GPD2: variants seen among roughly 807,000 people sequenced by gnomAD.
GPD2 encodes glycerol-3-phosphate dehydrogenase 2, also known as glycerol-3-phosphate dehydrogenase, mitochondrial.
Under a neutral mutation model 82.4 loss-of-function variants are expected in GPD2, and 54 were observed. The ratio of observed to expected loss-of-function variants is 0.66; its 90% CI spans 0.53 to 0.82. The LOEUF (loss-of-function observed/expected upper bound fraction) is 0.82, where lower values mean the gene tolerates loss of function less well. Ranked by LOEUF, GPD2 falls within the 40% of genes least tolerant of loss-of-function variation. The pLI is 0.00. For synonymous variants in GPD2, 288 were observed against 306.1 expected, an observed-to-expected ratio of 0.94 and a Z score of 0.62; for missense variants, 748 against 896.2, an observed-to-expected ratio of 0.83 and a Z score of 2.11.
chr2:156,516,569 A>T (rs1449779958), intron 6 of GPD2, among the ~76,000 whole-genome samples: 1 of 152,184 alleles, frequency 6.6e-6, no homozygotes, highest in Non-Finnish European at 1.5e-5. Context: ...TCTCCCAAGT[A>T]GCTGGGATTA....
At chr2:156,416,927 T>A in the GPD2 span, among the ~76,000 whole-genome samples, 5 of 152,172 alleles carry the variant, frequency 3.3e-5, no homozygotes, top group Admixed American at 3.3e-4. Flanking sequence ...GCAGCTAACA[T>A]CCAGGTCCTG....
intron 13 of GPD2, among the ~76,000 whole-genome samples, chr2:156,575,330 G>A (rs1687776824): frequency 6.6e-6 from 1 of 151,662 alleles, no homozygotes; most frequent in Admixed American, 6.6e-5. Context: ...AAGAAATAGT[G>A]ATCACGGAAG....
chr2:156,574,525 A>T (rs1466222847), intron 13 of GPD2, among the ~76,000 whole-genome samples: 1 of 152,140 alleles, frequency 6.6e-6, no homozygotes, highest in Non-Finnish European at 1.5e-5. Context: ...CAGACAAAAG[A>T]TCCATTTTTC....
the GPD2 span, among the ~76,000 whole-genome samples, chr2:156,415,156 CTTTTTTTTT>C: frequency 8.7e-6 from 1 of 114,620 alleles, no homozygotes; most frequent in Admixed American, 1.0e-4. Flanking sequence ...TTGTATCATT[CTTTTTTTTT>C]TTTTTTTTTT....
At chr2:156,452,265 T>C (rs1000663647) in intron 1 of GPD2, among the ~76,000 whole-genome samples, 1 of 152,200 alleles carries the variant, frequency 6.6e-6, no homozygotes, top group Non-Finnish European at 1.5e-5. Context: ...CTGGGCACCA[T>C]TGAGCACTGA....
chr2:156,508,013 C>A (rs1446263250), intron 3 of GPD2, among the ~76,000 whole-genome samples: 1 of 152,156 alleles, frequency 6.6e-6, no homozygotes, highest in Admixed American at 6.5e-5. Context: ...AAACTCCCAT[C>A]TCTCCCATCT....
intron 1 of GPD2, among the ~76,000 whole-genome samples, chr2:156,455,021 G>C (rs1289606642): frequency 5.9e-5 from 9 of 152,050 alleles, no homozygotes; most frequent in Admixed American, 5.9e-4. Flanking sequence ...GTGTAACCCT[G>C]GGGGAGAGGG....
chr2:156,568,758 CTG>C, intron 9 of GPD2, 65 bp from the exon 10 acceptor site: 2 of 1,391,214 alleles, frequency 1.4e-6, no homozygotes, highest in Non-Finnish European at 2.0e-6. Flanking sequence ...TTTTTATTAA[CTG>C]TTTAATATTT....
intron 1 of GPD2, among the ~76,000 whole-genome samples, chr2:156,440,305 A>G (rs932152888): frequency 1.3e-5 from 2 of 152,262 alleles, no homozygotes; most frequent in African/African-American, 4.8e-5. Context: ...AAGCCAGGAA[A>G]TCTCTAACAA....
intron 6 of GPD2, among the ~76,000 whole-genome samples, chr2:156,523,552 TC>T (rs1211802653): frequency 6.6e-6 from 1 of 152,102 alleles, no homozygotes; most frequent in African/African-American, 2.4e-5. Flanking sequence ...ATTTCCCCTT[TC>T]CCCCACTCCC....
intron 9 of GPD2, 33 bp from the exon 10 acceptor site, chr2:156,568,792 A>G (rs563103776): frequency 3.8e-6 from 6 of 1,596,726 alleles, no homozygotes; most frequent in East Asian, 4.5e-5. Flanking sequence ...TTTTTGAGCA[A>G]TGTTCATAAC....
At chr2:156,418,645 A>G in the GPD2 span, among the ~76,000 whole-genome samples, 2 of 152,284 alleles carry the variant, frequency 1.3e-5, no homozygotes, top group Non-Finnish European at 1.5e-5. Context: ...GATTAATAGG[A>G]TAAAAGGCAT....
At chr2:156,465,127 A>C (rs980095092) in intron 1 of GPD2, among the ~76,000 whole-genome samples, 1 of 152,224 alleles carries the variant, frequency 6.6e-6, no homozygotes, top group Non-Finnish European at 1.5e-5. Flanking sequence ...CTGGGATTAC[A>C]GGCATGAGCC....
chr2:156,541,888 A>G (rs976696197), intron 6 of GPD2, among the ~76,000 whole-genome samples: 2 of 125,624 alleles, frequency 1.6e-5, no homozygotes, highest in Non-Finnish European at 3.1e-5. Context: ...GGAAAGGCAC[A>G]AGGAATCTTT....
intron 1 of GPD2, among the ~76,000 whole-genome samples, chr2:156,454,638 G>T (rs1479382708): frequency 1.3e-5 from 2 of 152,178 alleles, no homozygotes; most frequent in African/African-American, 4.8e-5. Flanking sequence ...AACACTCAGA[G>T]AAGAGAATTT....
intron 1 of GPD2, among the ~76,000 whole-genome samples, chr2:156,459,469 G>A (rs1167142436): frequency 6.6e-5 from 10 of 151,794 alleles, no homozygotes; most frequent in African/African-American, 2.2e-4. Flanking sequence ...GGTGGATCAC[G>A]AGGTCAGGAG....
At chr2:156,478,574 A>G (rs530917614) in intron 2 of GPD2, among the ~76,000 whole-genome samples, 82 of 152,314 alleles carry the variant, frequency 5.4e-4, no homozygotes, top group Non-Finnish European at 1.0e-3. Context: ...CATTGACATA[A>G]AATGACCACA....
At chr2:156,468,403 C>T (rs1683216538) in intron 1 of GPD2, among the ~76,000 whole-genome samples, 1 of 152,196 alleles carries the variant, frequency 6.6e-6, no homozygotes, top group Non-Finnish European at 1.5e-5. Context: ...AGGCCTGGCC[C>T]TCTGAGTTGT....
At chr2:156,511,605 A>T (rs1046369756) in intron 4 of GPD2, among the ~76,000 whole-genome samples, 1 of 152,072 alleles carries the variant, frequency 6.6e-6, no homozygotes, top group African/African-American at 2.4e-5. Context: ...ATCATGATGG[A>T]GGCAAAGAAA....
Sources: allele counts gnomAD v4.1 joint callset (sites outside exome capture counted in the v4.1 genomes callset), GRCh38; gene constraint gnomAD v4.1.1; transcripts MANE v1.5; gene names NCBI Gene and HGNC (gene_info 2026-07-23, HGNC 2026-07-21).